Variants in GALNT9 observed in about 807,000 individuals in gnomAD.
GALNT9 encodes GalNAc transferase 9.
In GALNT9, 47 loss-of-function variants were observed where a neutral mutation model predicts 63.1. That is an observed-to-expected ratio of 0.75 (90% CI 0.59 to 0.95). The LOEUF is 0.95. GALNT9 is among the 40% of genes least tolerant of loss of function. The pLI is 0.00. For synonymous variants in GALNT9, 396 were observed against 365.7 expected (o/e 1.08, Z -0.94); for missense variants, 829 against 874.8 (o/e 0.95, Z 0.66).
intron 2 of GALNT9, among the ~76,000 whole-genome samples, chr12:132,266,812 G>C (rs1165222413): frequency 3.9e-5 from 6 of 152,222 alleles, no homozygotes; most frequent in African/African-American, 1.4e-4. Flanking sequence ...CACAGCGTTG[G>C]CTGCTCTCGG....
chr12:132,276,258 C>T (rs781969232), intron 2 of GALNT9: 2 of 154,818 alleles, frequency 1.3e-5, no homozygotes, highest in African/African-American at 2.4e-5. Flanking sequence ...TGGACAGAGC[C>T]GGGCACGTGT....
At chr12:132,317,834 C>T (rs1868593880) in intron 1 of GALNT9, among the ~76,000 whole-genome samples, 1 of 152,172 alleles carries the variant, frequency 6.6e-6, no homozygotes, top group Admixed American at 6.5e-5. Context: ...CTGCTGGGAG[C>T]CTCAGGAAGA....
At chr12:132,239,673 G>A (rs111205322) in intron 6 of GALNT9, among the ~76,000 whole-genome samples, 1 of 151,822 alleles carries the variant, frequency 6.6e-6, no homozygotes, top group African/African-American at 2.4e-5. Context: ...GAGAGACAGA[G>A]AGACAAAGAG....
chr12:132,210,297 G>C (rs1024921116), intron 6 of GALNT9, among the ~76,000 whole-genome samples: 12 of 152,252 alleles, frequency 7.9e-5, no homozygotes, highest in Non-Finnish European at 1.6e-4. Flanking sequence ...CGGCGCTGTG[G>C]GCCTGGCAAA....
At chr12:132,293,101 G>C (rs1317602243) in intron 1 of GALNT9, among the ~76,000 whole-genome samples, 1 of 152,214 alleles carries the variant, frequency 6.6e-6, no homozygotes, top group Non-Finnish European at 1.5e-5. Context: ...CCCCACAGTG[G>C]GGCCGAGCCG....
rs1262204933 is a variant in GALNT9, at chr12:132,310,469, C to T, written c.238+18497G>A. On this transcript the variant is annotated intron_variant, in intron 1 of 10. Transcript: ENST00000328957. This position sits in a 1 kb window ranked among gnomAD's most constrained non-coding sequence, Gnocchi z 4.8. Reference sequence around the variant, plus strand: ...GACGGGGCCGGCCATCTCCTGGAGGCTGAGAGCCCTCCGGGAAAGCAGGCA... The same window carrying T: ...GACGGGGCCGGCCATCTCCTGGAGGTTGAGAGCCCTCCGGGAAAGCAGGCA... Among the ~76,000 whole-genome samples, 1 of 152,296 alleles carries T rather than the reference C, an allele frequency of 6.6e-6. No individual in the cohort carries two copies. Among genetic ancestry groups the T allele is most frequent in the African/African-American group, 2.4e-5 (1 of 41,556 alleles).
At chr12:132,216,586 T>C (rs373744421) in intron 6 of GALNT9, among the ~76,000 whole-genome samples, 30 of 152,324 alleles carry the variant, frequency 2.0e-4, no homozygotes, top group African/African-American at 6.5e-4. Context: ...GTGTCCCCCA[T>C]GTCCAGCTCC....
At position 132,258,670 on chromosome 12, in the gene GALNT9, G is replaced by A. The variant is rs111463134; in HGVS notation, c.762-784C>T. Among the ~76,000 whole-genome samples the A allele has an allele frequency of 5.0e-3, 769 of 152,342 alleles. 8 individuals carry two copies. Among genetic ancestry groups the A allele is most frequent in the African/African-American group, 0.017 (715 of 41,570 alleles). On this transcript the variant is annotated intron_variant, in intron 4 of 10. Coordinates refer to ENST00000328957, the MANE Select transcript of GALNT9 (RefSeq NM_001122636.2). Reference sequence around the variant, plus strand: ...GGCTGGCCAGGAGGCCGGACAGAGCGATGGGGCAATGGGGGGCGAGGAGGG... The same window carrying A: ...GGCTGGCCAGGAGGCCGGACAGAGCAATGGGGCAATGGGGGGCGAGGAGGG...
chr12:132,215,112 C>T (rs1414354329), intron 6 of GALNT9, among the ~76,000 whole-genome samples: 1 of 152,226 alleles, frequency 6.6e-6, no homozygotes, highest in Non-Finnish European at 1.5e-5. Context: ...GCGACACAAT[C>T]GCTGTTGGTT....
At chr12:132,213,013 C>T (rs535316704) in intron 6 of GALNT9, among the ~76,000 whole-genome samples, 3 of 148,236 alleles carry the variant, frequency 2.0e-5, no homozygotes, top group Admixed American at 1.3e-4. Context: ...CACGGAAACC[C>T]CACCCGAGTC....
Position 132,197,696 on chromosome 12 carries a change from C to T in GALNT9, c.1665+96G>A, listed in dbSNP as rs1012150373. On this transcript the variant is annotated intron_variant, in intron 10 of 10. Coordinates refer to ENST00000328957, the MANE Select transcript of GALNT9 (RefSeq NM_001122636.2). ...ACCACCCCCTGCCGCACTCCAGCTC[C>T]CACCCAATGGGCTGGCTCTAGTGGC... is the stretch of plus-strand genomic sequence containing the variant. 8 of 954,486 alleles carry T rather than the reference C, an allele frequency of 8.4e-6. No homozygotes were observed. The Admixed American group carries it at 1.8e-4, about 21-fold the overall frequency. 59.1% of individuals were successfully genotyped at this position (954,486 alleles called of 1,614,324 possible). A position where few individuals can be genotyped will look rare whatever the true frequency, so the allele number is the denominator to read the frequency against.
intron 6 of GALNT9, among the ~76,000 whole-genome samples, chr12:132,212,084 G>A (rs1876977374): frequency 6.6e-6 from 1 of 152,228 alleles, no homozygotes; most frequent in Admixed American, 6.5e-5. Context: ...AGACGGGTGG[G>A]GAGTTCCCAG....
At chr12:132,240,253 C>A (rs1318473378) in intron 6 of GALNT9, among the ~76,000 whole-genome samples, 1 of 152,100 alleles carries the variant, frequency 6.6e-6, no homozygotes, top group Non-Finnish European at 1.5e-5. Flanking sequence ...GGAATATGAC[C>A]AAGTCAGGCG....
intron 6 of GALNT9, among the ~76,000 whole-genome samples, chr12:132,208,104 G>C (rs1385628946): frequency 6.6e-6 from 1 of 152,214 alleles, no homozygotes; most frequent in Non-Finnish European, 1.5e-5. Flanking sequence ...GAATTTAAAG[G>C]CTCTCCCATC....
At chr12:132,214,978 C>T (rs916469526) in intron 6 of GALNT9, among the ~76,000 whole-genome samples, 7 of 152,236 alleles carry the variant, frequency 4.6e-5, no homozygotes, top group African/African-American at 1.4e-4. Context: ...GCAAAGCCAG[C>T]GTGAGGCTGT....
intron 2 of GALNT9, among the ~76,000 whole-genome samples, chr12:132,271,369 G>A (rs530010346): frequency 2.6e-5 from 4 of 152,050 alleles, no homozygotes; most frequent in Non-Finnish European, 5.9e-5. Context: ...GCTCCCACCC[G>A]CACACCTGTA....
intron 1 of GALNT9, among the ~76,000 whole-genome samples, chr12:132,304,823 G>A (rs1299007417): frequency 1.9e-5 from 1 of 52,316 alleles, no homozygotes. Context: ...ACCCTCGCCC[G>A]GGCACACCCT....
At chr12:132,281,114 C>T (rs1345142218) in intron 2 of GALNT9, among the ~76,000 whole-genome samples, 3 of 152,234 alleles carry the variant, frequency 2.0e-5, no homozygotes, top group Admixed American at 1.3e-4. Context: ...CCCAGCCACA[C>T]TCGCTGAGCC....
intron 1 of GALNT9, among the ~76,000 whole-genome samples, chr12:132,321,025 C>A (rs1429888981): frequency 6.6e-6 from 1 of 152,136 alleles, no homozygotes; most frequent in African/African-American, 2.4e-5. Context: ...TGGACTCTCG[C>A]TCCAGGGGCC....
Sources: allele counts gnomAD v4.1 joint callset (sites outside exome capture counted in the v4.1 genomes callset), GRCh38; gene constraint gnomAD v4.1.1; non-coding constraint Gnocchi (gnomAD v3.1); transcripts MANE v1.5; gene names NCBI Gene and HGNC (gene_info 2026-07-23, HGNC 2026-07-21).